ANO7: variants seen among roughly 807,000 people sequenced by gnomAD.
The protein encoded by ANO7 is anoctamin-7.
In ANO7, 114 loss-of-function variants were observed where a neutral mutation model predicts 115.8. The observed-to-expected ratio is 0.98, with a 90% CI of 0.85 to 1.15. ANO7 has a LOEUF of 1.15. ANO7 is among the 50% of genes most tolerant of loss of function. ANO7 has a pLI of 0.00. For missense variants in ANO7, 1,302 were observed against 1,201.2 expected (o/e 1.08, Z -1.24); for synonymous variants, 550 against 498.2 (o/e 1.10, Z -1.38).
At chr2:241,191,285 G>A in intron 3 of ANO7, 34 bp downstream of exon 3, 2 of 1,611,544 alleles carry the variant, frequency 1.2e-6, no homozygotes, top group South Asian at 2.2e-5. Flanking sequence ...CCACACCCGT[G>A]TTGGTCCTGA....
intron 3 of ANO7, among the ~76,000 whole-genome samples, chr2:241,193,280 G>C (rs949101280): frequency 5.9e-5 from 9 of 152,008 alleles, no homozygotes; most frequent in African/African-American, 1.9e-4. Context: ...ATGTTGGTTG[G>C]GCAGGTCTTG....
At chr2:241,229,738 A>G, downstream of ANO7, 1 of 1,611,662 alleles carries the variant, frequency 6.2e-7, no homozygotes, top group Non-Finnish European at 8.5e-7. Flanking sequence ...CCAACTCGCA[A>G]GCAGCTTCCG....
intron 20 of ANO7, 30 bp from the exon 21 acceptor site, chr2:241,218,209 C>CGCGCAGGGGCGGAGCGGGGGA (rs2068907882): frequency 5.2e-6 from 7 of 1,348,484 alleles, no homozygotes; most frequent in Non-Finnish European, 6.7e-6. Context: ...GGAGCGGGGG[C>CGCGCAGGGGCGGAGCGGGGGA]CGCCTCGCGC....
chr2:241,236,596 G>A, the ANO7 span: 8 of 1,612,896 alleles, frequency 5.0e-6, no homozygotes, highest in East Asian at 8.9e-5. Flanking sequence ...GGGGTGGAGG[G>A]GGGCACATGG....
intron 17 of ANO7, 78 bp downstream of exon 17, chr2:241,212,704 A>G: frequency 2.8e-6 from 4 of 1,449,464 alleles, no homozygotes; most frequent in Non-Finnish European, 3.8e-6. Context: ...TCGAGCTTTG[A>G]TTTGCAGCAA....
chr2:241,199,355 C>G lies in ANO7; in HGVS notation c.349C>G (p.Leu117Val). Residue 117 changes from leucine to valine, a missense_variant, in exon 5 of 25, where the codon CTC becomes GTC. Leu to Val is a conservative substitution (Grantham distance 32). Transcript: ENST00000674324. ...CGGGAACACCACAGTGCACTACGCC[C>G]TCCTCAGCGCCTCCTGGGCTGTGCT... ...QDGNTTVHYA[L>V]LSASWAVLCY... 1.2e-6 allele frequency: 2 copies of G among 1,613,812 alleles called. No individual in the cohort carries two copies. The highest frequency in any genetic ancestry group is 1.7e-6 in the Non-Finnish European group (2 of 1,180,028).
chr2:241,228,240 G>A (rs545142279), downstream of ANO7: 15 of 152,414 alleles, frequency 9.8e-5, no homozygotes, highest in East Asian at 9.6e-4. Context: ...CCTCCGTGGC[G>A]GACACAGATA....
At position 241,212,585 on chromosome 2, in the gene ANO7, C is replaced by A. The variant is rs1391814068; in HGVS notation, c.1687C>A (p.Pro563Thr). 1 of 1,613,338 alleles carries A rather than the reference C, an allele frequency of 6.2e-7. No individual in the cohort carries two copies. Among genetic ancestry groups the A allele is most frequent in the Non-Finnish European group, 8.5e-7 (1 of 1,179,728 alleles). Residue 563 changes from proline to threonine, a missense_variant, in exon 17 of 25, where the codon CCA (proline) becomes ACA (threonine). Transcript: ENST00000674324. ...AFFKGRFVGYPGNYHTLFGVR... is the reference protein window; with the variant it reads ...AFFKGRFVGYTGNYHTLFGVR... ...ACTTTCTCCTAGGTTTGTGGGATAC[C>A]CAGGCAACTACCACACCTTGTTTGG... is the stretch of plus-strand genomic sequence containing the variant.
At chr2:241,227,807 A>G (rs992524634), downstream of ANO7, 1 of 151,940 alleles carries the variant, frequency 6.6e-6, no homozygotes, top group South Asian at 2.1e-4. Context: ...CAGATGGGGA[A>G]GAGGTGACAG....
Position 241,223,782 on chromosome 2 carries a change from GTGAAC to G in ANO7, c.2532+4_2532+8del. The G allele has an allele frequency of 6.2e-7, 1 of 1,614,234 alleles. No individual in the cohort carries two copies. ...TAAGCAGGCACTGGCTGAGAATGAG[GTGAAC>G]TGTACAGCCCAGTCTCGGCCCTCCC... On this transcript the variant is annotated splice_donor_variant and splice_donor_5th_base_variant and intron_variant, in intron 23 of 24. Coordinates refer to ENST00000674324, the MANE Select transcript of ANO7 (RefSeq NM_001370694.2). LOFTEE classifies it high-confidence loss of function.
chr2:241,217,124 G>A (rs924292140), intron 19 of ANO7, among the ~76,000 whole-genome samples: 2 of 152,248 alleles, frequency 1.3e-5, no homozygotes, highest in Non-Finnish European at 2.9e-5. Context: ...GTGAGAAACT[G>A]TGCCCGGCAG....
At chr2:241,193,119 C>T (rs964132739) in intron 3 of ANO7, among the ~76,000 whole-genome samples, 9 of 152,074 alleles carry the variant, frequency 5.9e-5, no homozygotes, top group Non-Finnish European at 1.3e-4. Flanking sequence ...CTCACCCAGG[C>T]TGGAATGCAG....
Position 241,225,724 on chromosome 2 carries a change from A to G in ANO7, c.*1571A>G, listed in dbSNP as rs1467649905. 2.6e-5 allele frequency among the ~76,000 whole-genome samples: 4 copies of G among 152,134 alleles called. No homozygotes were observed. The highest frequency in any genetic ancestry group is 5.9e-5 in the Non-Finnish European group (4 of 68,036). On this transcript the variant is annotated 3_prime_UTR_variant, in exon 25 of 25. Transcript: ENST00000674324. ...GCTACTTGTTCACCTGCCTCTTAGG[A>G]GCACTGTGCCCTGCCTCCATGGAAG...
chr2:241,231,611 C>A, the ANO7 span, among the ~76,000 whole-genome samples: 2 of 152,136 alleles, frequency 1.3e-5, no homozygotes, highest in Admixed American at 6.5e-5. Flanking sequence ...CCCACGTGGG[C>A]CACAGTCTGG....
At chr2:241,233,970 A>T in the ANO7 span, 8 of 1,614,070 alleles carry the variant, frequency 5.0e-6, no homozygotes, top group Non-Finnish European at 6.8e-6. The surrounding 1 kb of genome is among the most constrained non-coding windows in gnomAD (Gnocchi z 4.3). Flanking sequence ...AAGCCTACAA[A>T]TGAAAGGAGC....
chr2:241,236,696 G>T, the ANO7 span: 2 of 1,614,098 alleles, frequency 1.2e-6, no homozygotes, highest in South Asian at 1.1e-5. Flanking sequence ...GAGAGCCGGG[G>T]TCACAATCTT....
intron 11 of ANO7, 106 bp downstream of exon 11, chr2:241,207,776 T>C (rs1373351282): frequency 1.9e-5 from 20 of 1,038,868 alleles, no homozygotes; most frequent in Admixed American, 3.6e-5. Flanking sequence ...CTGTCCTGCT[T>C]GTCACCAGCT....
intron 13 of ANO7, 80 bp from the exon 14 acceptor site, chr2:241,210,215 G>A: frequency 1.5e-6 from 2 of 1,379,028 alleles, no homozygotes; most frequent in Non-Finnish European, 2.1e-6. Flanking sequence ...GACTAGAAGA[G>A]CTGTCGGGGG....
intron 10 of ANO7, among the ~76,000 whole-genome samples, chr2:241,205,410 C>T (rs942320684): frequency 7.3e-6 from 1 of 136,230 alleles, no homozygotes; most frequent in African/African-American, 2.8e-5. Context: ...GTAGCTAGGA[C>T]TGCTCTCAGG....
Sources: gnomAD v4.1 joint callset for allele counts (sites outside exome capture counted in the v4.1 genomes callset) on GRCh38, gnomAD v4.1.1 for gene constraint, Gnocchi (gnomAD v3.1) non-coding constraint, MANE v1.5 for transcripts, NCBI Gene and HGNC (gene_info 2026-07-23, HGNC 2026-07-21) for gene names.